Variants in ZNF827 observed in about 807,000 individuals in gnomAD.
ZNF827 encodes zinc finger protein 827.
In ZNF827, 13 loss-of-function variants were observed where a neutral mutation model predicts 102.4. The observed-to-expected ratio is 0.13, with a 90% CI of 0.08 to 0.20. The LOEUF is 0.20. Among genes scored for constraint, ZNF827 ranks in the 10% least tolerant of loss-of-function variants. The pLI is 1.00. For missense variants in ZNF827, 1,103 were observed against 1,344.4 expected, an observed-to-expected ratio of 0.82 and a Z score of 2.81; for synonymous variants, 523 against 536.2, an observed-to-expected ratio of 0.98 and a Z score of 0.34.
At position 145,902,532 on chromosome 4, in the gene ZNF827, G is replaced by T; in HGVS notation, c.727C>A (p.Pro243Thr). The part of the protein sequence containing the change: ...ETMRFESFSS[P>T]FSSQSASSTL... ...GAACTGGCAGACTGGGAGCTAAAAG[G>T]GGAGGAAAAGGACTCAAATCGCATG... Residue 243 changes from proline to threonine, a missense_variant, in exon 2 of 15, where the codon CCT (proline) becomes ACT (threonine). Pro to Thr is a conservative substitution (Grantham distance 38). This residue lies in a region of ZNF827 where 441 missense variants were observed against 458.6 expected (regional missense o/e 0.96). Coordinates refer to ENST00000508784, the MANE Select transcript of ZNF827 (RefSeq NM_001306215.2). The surrounding 1 kb of genome is among the most constrained non-coding windows in gnomAD (Gnocchi z 4.3). 6.2e-7 allele frequency: 1 copy of T among 1,614,132 alleles called. No homozygotes were observed. Among genetic ancestry groups the T allele is most frequent in the Admixed American group, 1.7e-5 (1 of 60,014 alleles).
chr4:145,899,633 G>A (rs34575293), intron 2 of ZNF827, among the ~76,000 whole-genome samples: 42,762 of 152,012 alleles, frequency 0.28, 6,227 homozygotes, highest in East Asian at 0.38. Flanking sequence ...AATATTTTTC[G>A]GGTAACAATT....
At chr4:145,831,570 G>T (rs1439669713) in intron 7 of ZNF827, 1 of 152,200 alleles carries the variant, frequency 6.6e-6, no homozygotes, top group Non-Finnish European at 1.5e-5. Context: ...AGCTAAGATG[G>T]GTTTCCTCTC....
chr4:145,855,130 G>A (rs1422883716), intron 5 of ZNF827, among the ~76,000 whole-genome samples: 1 of 152,170 alleles, frequency 6.6e-6, no homozygotes, highest in Non-Finnish European at 1.5e-5. Flanking sequence ...AACAAAATAT[G>A]AAAGGATGGA....
chr4:145,806,147 C>CTTT (rs11364915), intron 8 of ZNF827, among the ~76,000 whole-genome samples: 2 of 77,360 alleles, frequency 2.6e-5, no homozygotes, highest in African/African-American at 5.5e-5. Context: ...AATAAATGAA[C>CTTT]TTTTTTTTTT....
intron 11 of ZNF827, among the ~76,000 whole-genome samples, chr4:145,772,630 G>A (rs1167382610): frequency 6.6e-6 from 1 of 152,170 alleles, no homozygotes; most frequent in African/African-American, 2.4e-5. Flanking sequence ...GAAACTGTAT[G>A]ACCTGAAAGC....
In ZNF827 at chr4:145,849,771, A is replaced by G. The variant is rs115345648; in HGVS notation, c.1982-210T>C. Reference sequence around the variant, plus strand: ...GAGACTTCAGTTTTTTTTAGCCCAGAGAGACTCAGAGGCTTGTTCGAGATC... The same window carrying G: ...GAGACTTCAGTTTTTTTTAGCCCAGGGAGACTCAGAGGCTTGTTCGAGATC... On this transcript the variant is annotated intron_variant, in intron 5 of 14. Coordinates refer to ENST00000508784, the MANE Select transcript of ZNF827 (RefSeq NM_001306215.2). Among the ~76,000 whole-genome samples the G allele has an allele frequency of 2.9e-3, 443 of 152,272 alleles. 1 individual carries two copies. The highest frequency in any genetic ancestry group is 9.9e-3 in the African/African-American group (412 of 41,550).
chr4:145,885,739 T>G lies in ZNF827; in HGVS notation c.1686A>C (p.Ser562=), dbSNP rs775170035. The G allele has an allele frequency of 1.9e-6, 3 of 1,586,582 alleles. No homozygotes were observed. Reference sequence around the variant, plus strand: ...CAGAGATGTCCTGGCTGAACAATGCTGACGCACTGTTGGCCACATACTCGG... The same window carrying G: ...CAGAGATGTCCTGGCTGAACAATGCGGACGCACTGTTGGCCACATACTCGG... ...DPSEYVANSA[S]ALFSQDISVK... Residue 562 remains serine (S), a synonymous_variant, in exon 4 of 15, where the codon TCA becomes TCC. Coordinates refer to ENST00000508784, the MANE Select transcript of ZNF827 (RefSeq NM_001306215.2).
At position 145,761,553 on chromosome 4, in the gene ZNF827, C is replaced by A. The variant is rs1289900210; in HGVS notation, c.*63G>T. 3.1e-6 allele frequency: 4 copies of A among 1,281,496 alleles called. No individual in the cohort carries two copies. In the African/African-American group the frequency reaches 4.6e-5, roughly 15 times the overall value. The allele number at this position is 1,281,496 out of a possible 1,614,324, so 79.4% of individuals were successfully genotyped here. On this transcript the variant is annotated 3_prime_UTR_variant, in exon 15 of 15. Transcript: ENST00000508784. The surrounding 1 kb of genome is among the most constrained non-coding windows in gnomAD (Gnocchi z 6.8). Reference sequence around the variant, plus strand: ...TCTTGTAGTGGGTCTTGAGGTGGCACTCCATGGCAGCGGGGCGGTTGGTGG... The same window carrying A: ...TCTTGTAGTGGGTCTTGAGGTGGCAATCCATGGCAGCGGGGCGGTTGGTGG...
chr4:145,921,341 G>A (rs1013577191), intron 1 of ZNF827, among the ~76,000 whole-genome samples: 5 of 151,972 alleles, frequency 3.3e-5, no homozygotes, highest in Admixed American at 6.6e-5. Flanking sequence ...TATCCTTTTA[G>A]AAAATGCCTA....
At chr4:145,833,770 C>A (rs533465169) in intron 7 of ZNF827, among the ~76,000 whole-genome samples, 1 of 151,844 alleles carries the variant, frequency 6.6e-6, no homozygotes, top group East Asian at 1.9e-4. Context: ...TTTCTGCACC[C>A]CAACCTCTTT....
intron 1 of ZNF827, among the ~76,000 whole-genome samples, chr4:145,916,382 G>A (rs1752669008): frequency 6.6e-6 from 1 of 152,148 alleles, no homozygotes; most frequent in African/African-American, 2.4e-5. Flanking sequence ...CTGGGGGCAT[G>A]AGCCGTACGG....
At chr4:145,906,193 A>G (rs912098656) in intron 1 of ZNF827, among the ~76,000 whole-genome samples, 6 of 152,220 alleles carry the variant, frequency 3.9e-5, no homozygotes, top group Admixed American at 3.9e-4. Flanking sequence ...GCAAGGTTCC[A>G]CTGCACAATC....
At chr4:145,813,774 G>A (rs921723536) in intron 8 of ZNF827, among the ~76,000 whole-genome samples, 5 of 152,164 alleles carry the variant, frequency 3.3e-5, no homozygotes, top group African/African-American at 7.2e-5. Context: ...AAAGATAGTC[G>A]GACTGCAGGA....
intron 5 of ZNF827, 45 bp from the exon 6 acceptor site, chr4:145,849,606 TA>T: frequency 6.2e-7 from 1 of 1,608,926 alleles, no homozygotes; most frequent in Non-Finnish European, 8.5e-7. Context: ...CACCATTTCT[TA>T]ATTCCAAGCT....
chr4:145,857,501 G>A (rs1352737431), intron 5 of ZNF827, among the ~76,000 whole-genome samples: 2 of 152,170 alleles, frequency 1.3e-5, no homozygotes, highest in Non-Finnish European at 1.5e-5. Context: ...AACTCAGTTG[G>A]ATATCTGCAA....
intron 7 of ZNF827, among the ~76,000 whole-genome samples, chr4:145,842,069 T>G (rs1479066960): frequency 6.6e-6 from 1 of 152,224 alleles, no homozygotes; most frequent in South Asian, 2.1e-4. Context: ...ATTGTTGGAT[T>G]GGATGACAGA....
At chr4:145,836,845 T>C (rs1247104043) in intron 7 of ZNF827, among the ~76,000 whole-genome samples, 3 of 151,984 alleles carry the variant, frequency 2.0e-5, no homozygotes, top group African/African-American at 7.3e-5. Context: ...CGTGGAAATC[T>C]ATCCTCAAGG....
At chr4:145,922,748 G>T (rs191212976) in intron 1 of ZNF827, among the ~76,000 whole-genome samples, 1 of 152,322 alleles carries the variant, frequency 6.6e-6, no homozygotes, top group East Asian at 1.9e-4. Flanking sequence ...ACTTTTAATT[G>T]AAAGGATAAC....
intron 4 of ZNF827, among the ~76,000 whole-genome samples, chr4:145,874,168 T>C (rs1748953605): frequency 6.6e-6 from 1 of 152,138 alleles, no homozygotes; most frequent in Non-Finnish European, 1.5e-5. Context: ...AGTAAAGATA[T>C]TTAGCATTGC....
Sources: allele counts gnomAD v4.1 joint callset (sites outside exome capture counted in the v4.1 genomes callset), GRCh38; gene constraint gnomAD v4.1.1; regional missense constraint gnomAD v4.1.1; non-coding constraint Gnocchi (gnomAD v3.1); transcripts MANE v1.5; gene names NCBI Gene and HGNC (gene_info 2026-07-23, HGNC 2026-07-21).